The following PGAP6 variants were observed in gnomAD, a reference collection of about 807,000 sequenced individuals.
PGAP6 encodes post-GPI attachment to proteins 6.
Under a neutral mutation model 68.4 loss-of-function variants are expected in PGAP6, and 62 were observed. The ratio of observed to expected loss-of-function variants is 0.91; its 90% CI spans 0.74 to 1.12. The LOEUF (loss-of-function observed/expected upper bound fraction) is 1.12. Among genes scored for constraint, PGAP6 ranks in the 50% most tolerant of loss-of-function variants. The pLI is 0.00. For synonymous variants in PGAP6, 575 were observed against 474.0 expected (o/e 1.21, Z -2.77); for missense variants, 1,188 against 1,068.5 (o/e 1.11, Z -1.56).
At chr16:380,296 G>C (rs948775609) in intron 1 of PGAP6, among the ~76,000 whole-genome samples, 7 of 152,068 alleles carry the variant, frequency 4.6e-5, no homozygotes, top group African/African-American at 1.7e-4. Flanking sequence ...GCTCACCGCA[G>C]CCTCAGCTTC....
Position 374,018 on chromosome 16 carries a change from G to C in PGAP6, c.1889C>G (p.Thr630Arg), listed in dbSNP as rs755315340. ...AGGGCCACTCACGTATTTCAGGACT[G>C]TCTTGAGCCGTGCCATGCACAGGAT... ...VTILCMARLK[T>R]VLKYVLFLLG... Residue 630 changes from threonine (T) to arginine (R), a missense_variant, in exon 11 of 13, where the codon ACA becomes AGA. Transcript: ENST00000431232. 2 of 1,610,566 alleles carry C rather than the reference G, an allele frequency of 1.2e-6. No individual in the cohort carries two copies. The highest frequency in any genetic ancestry group is 1.1e-5 in the South Asian group (1 of 90,984).
chr16:384,787 T>C (rs892229762), upstream of PGAP6, among the ~76,000 whole-genome samples: 1 of 144,786 alleles, frequency 6.9e-6, no homozygotes, highest in Non-Finnish European at 1.5e-5. Flanking sequence ...ACCCAGGAGG[T>C]GGAGGTTGCA....
At chr16:385,856 C>T (rs1353553736), upstream of PGAP6, among the ~76,000 whole-genome samples, 1 of 151,912 alleles carries the variant, frequency 6.6e-6, no homozygotes, top group Non-Finnish European at 1.5e-5. Flanking sequence ...GATTTCCTGA[C>T]CTCGTGATCT....
At chr16:373,552 G>A (rs1233185706) in intron 11 of PGAP6, among the ~76,000 whole-genome samples, 2 of 152,172 alleles carry the variant, frequency 1.3e-5, no homozygotes, top group African/African-American at 2.4e-5. Context: ...CAGAAGACAT[G>A]AGGTTTCTTT....
rs1280032934 is a variant in PGAP6 at position 374,292 on chromosome 16, T to G, written c.1684A>C (p.Ile562Leu). Residue 562 changes from isoleucine to leucine, a missense_variant, in exon 10 of 13, where the codon ATC becomes CTC. Physicochemically the swap from Ile to Leu is conservative, Grantham distance 5. Transcript: ENST00000431232. ...TLSNLMFLAP[I>L]AVSVRRFFLV... ...AAGAATCGCCGCACTGAGACGGCGA[T>G]GGGGGCCAGGAACATGAGGTTGCTG... 1.9e-6 allele frequency: 3 copies of G among 1,606,644 alleles called. No homozygotes were observed. The East Asian group carries it at 6.7e-5, about 36-fold the overall frequency.
rs760530443 is a variant in PGAP6, at chr16:374,874, C to T, written c.1458G>A (p.Val486=). ...GGTACAAGGTGGTCTCCACGTGGAC[C>T]ACAGCCTGCTCACAGTCCCTTTGAG... ...PENAEDCEQA[V]VHVETTLYLV... is the part of the protein sequence containing the mutation. The change falls in exon 9 of 13, where the codon GTG becomes GTA. Residue 486 remains valine (V), a synonymous_variant. Coordinates refer to ENST00000431232, the MANE Select transcript of PGAP6 (RefSeq NM_021259.3). The T allele has an allele frequency of 3.1e-6, 5 of 1,612,804 alleles. No individual in the cohort carries two copies. In the East Asian group the frequency reaches 1.1e-4, roughly 36 times the overall value.
rs142445074 is a variant in PGAP6 at position 377,739 on chromosome 16, C to A, written c.231G>T (p.Val77=). The part of the protein sequence containing the change: ...LFRFRVPPDA[V]LLRWLLQVSR... The stretch of plus-strand genomic sequence containing the variant: ...AGACCTGCAGGAGCCAGCGTAGAAG[C>A]ACAGCATCTGGGGGCACGCGGAAGC... The change falls in exon 2 of 13, where the codon GTG becomes GTT. Residue 77 remains valine (V), a synonymous_variant. Coordinates refer to ENST00000431232, the MANE Select transcript of PGAP6 (RefSeq NM_021259.3). 18 of 1,597,418 alleles carry A rather than the reference C, an allele frequency of 1.1e-5. No individual in the cohort carries two copies. The highest frequency in any genetic ancestry group is 1.5e-5 in the Non-Finnish European group (18 of 1,172,698).
At chr16:386,659 A>T (rs758502644), upstream of PGAP6, 4 of 359,362 alleles carry the variant, frequency 1.1e-5, no homozygotes, top group South Asian at 2.2e-5. Context: ...ATTCTTTCAT[A>T]AAAAAAGGGT....
At chr16:378,398 CCACCCGCACTGCCATCG>C (rs2054410019) in intron 1 of PGAP6, among the ~76,000 whole-genome samples, 1 of 120,224 alleles carries the variant, frequency 8.3e-6, no homozygotes, top group African/African-American at 3.4e-5. Context: ...ACTGCCATCG[CCACCCGCACTGCCATCG>C]CCACCCACAC....
Position 377,162 on chromosome 16 carries a change from G to A in PGAP6, c.510C>T (p.Gly170=), listed in dbSNP as rs1199571527. ...AGACGTAGGCACAGGTGGGAGCCAA[G>A]CCCTAGGGAAAGAACAGGTGTGGGC... ...PPSSQKIELK[G]LAPTCAYVFQ... is the part of the protein sequence containing the mutation. Residue 170 remains glycine, a splice_region_variant and synonymous_variant, in exon 4 of 13, where the codon GGC becomes GGT. Coordinates refer to ENST00000431232, the MANE Select transcript of PGAP6 (RefSeq NM_021259.3). 1 of 1,613,400 alleles carries A rather than the reference G, an allele frequency of 6.2e-7. No individual in the cohort carries two copies. Among genetic ancestry groups the A allele is most frequent in the South Asian group, 1.1e-5 (1 of 91,092 alleles).
At chr16:385,372 A>C (rs543816369), upstream of PGAP6, among the ~76,000 whole-genome samples, 9 of 117,148 alleles carry the variant, frequency 7.7e-5, no homozygotes, top group African/African-American at 3.1e-4. Flanking sequence ...GAGTGCAGTG[A>C]TGCGATCTCG....
chr16:382,017 G>A (rs2054444838), upstream of PGAP6: 2 of 886,558 alleles, frequency 2.3e-6, no homozygotes, highest in Non-Finnish European at 2.8e-6. Flanking sequence ...GAGCCGGGAA[G>A]GCGAGGGCGG....
chr16:385,310 ATT>A (rs35605582), upstream of PGAP6, among the ~76,000 whole-genome samples: 367 of 112,370 alleles, frequency 3.3e-3, 4 homozygotes, highest in African/African-American at 0.014. Flanking sequence ...ATATACTCTG[ATT>A]TTTTTTTTTT....
chr16:383,053 T>C (rs1164746510), upstream of PGAP6, among the ~76,000 whole-genome samples: 1 of 151,908 alleles, frequency 6.6e-6, no homozygotes, highest in Non-Finnish European at 1.5e-5. Flanking sequence ...GAAGCGGAGG[T>C]TGCAGTGAGC....
chr16:377,619 C>T, intron 2 of PGAP6, 34 bp from the exon 3 acceptor site: 1 of 1,568,706 alleles, frequency 6.4e-7, no homozygotes, highest in Non-Finnish European at 8.6e-7. Flanking sequence ...GGTTCAGGCA[C>T]AGGGCTTGGC....
chr16:374,967 TGACA>T, intron 8 of PGAP6, 75 bp from the exon 9 acceptor site: 1 of 1,601,812 alleles, frequency 6.2e-7, no homozygotes, highest in African/African-American at 1.3e-5. Flanking sequence ...CCCAACAGGC[TGACA>T]GACATGAGAA....
At position 374,457 on chromosome 16, in the gene PGAP6, C is replaced by T. The variant is rs954313998; in HGVS notation, c.1577-58G>A. On this transcript the variant is annotated intron_variant, in intron 9 of 12. Transcript: ENST00000431232. ...GGGCACTGCTGAACCTCAGGGCCCA[C>T]CCCTCACCCAGGACCCTGCAGAGAA... 3.4e-6 allele frequency: 5 copies of T among 1,477,560 alleles called. No individual in the cohort carries two copies. The African/African-American group carries it at 5.6e-5, about 17-fold the overall frequency. The allele number at this position is 1,477,560 out of a possible 1,614,324, so 91.5% of individuals were successfully genotyped here. A position where few individuals can be genotyped will look rare whatever the true frequency, so the allele number is the denominator to read the frequency against.
At chr16:372,494 C>G in intron 12 of PGAP6, 117 bp downstream of exon 12, 1 of 1,004,496 alleles carries the variant, frequency 1.0e-6, no homozygotes, top group Non-Finnish European at 1.5e-6. Context: ...CATGGCAACC[C>G]CCAGCAGATA....
rs758802749 is a variant in PGAP6 at position 377,521 on chromosome 16, C to T, written c.364G>A (p.Ala122Thr). 5.6e-6 allele frequency: 9 copies of T among 1,594,714 alleles called. No homozygotes were observed. The highest frequency in any genetic ancestry group is 2.3e-5 in the East Asian group (1 of 44,120). Reference sequence around the variant, plus strand: ...CCGACCTGGAAGGAGGGCTGTACCGCGGTGTCGTCCGGGAAGCTGGTGCCC... The same window carrying T: ...CCGACCTGGAAGGAGGGCTGTACCGTGGTGTCGTCCGGGAAGCTGGTGCCC... ...PLGTSFPDDTAVQPSFQVGVP... is the reference protein window; with the variant it reads ...PLGTSFPDDTTVQPSFQVGVP... Residue 122 changes from alanine to threonine, a missense_variant, in exon 3 of 13, where the codon GCG (alanine) becomes ACG (threonine). Ala to Thr is a moderately conservative substitution (Grantham distance 58, BLOSUM62 0). Transcript: ENST00000431232.
Sources: gnomAD v4.1 joint callset for allele counts (sites outside exome capture counted in the v4.1 genomes callset) on GRCh38, gnomAD v4.1.1 for gene constraint, MANE v1.5 for transcripts, NCBI Gene and HGNC (gene_info 2026-07-23, HGNC 2026-07-21) for gene names.